The following OPCML variants were observed in gnomAD, a reference collection of about 807,000 sequenced individuals.
The protein encoded by OPCML is opioid-binding protein/cell adhesion molecule.
Under a neutral mutation model 37.8 loss-of-function variants are expected in OPCML, and 13 were observed. That is an observed-to-expected ratio of 0.34 (90% confidence interval 0.22 to 0.55). The LOEUF is 0.55. Ranked by LOEUF, OPCML falls within the 20% of genes least tolerant of loss-of-function variation. The pLI, the probability that OPCML is intolerant of heterozygous loss-of-function variation, is 0.91. For synonymous variants in OPCML, 176 were observed against 168.8 expected (o/e 1.04, Z -0.33); for missense variants, 341 against 435.6 (o/e 0.78, Z 1.93).
chr11:132,817,408 A>G (rs953647650), intron 2 of OPCML, among the ~76,000 whole-genome samples: 6 of 152,168 alleles, frequency 3.9e-5, no homozygotes, highest in African/African-American at 1.4e-4. Context: ...TTGACCCTGT[A>G]GTCTTAGGTA....
At chr11:132,964,581 G>T (rs960860121) in intron 1 of OPCML, among the ~76,000 whole-genome samples, 2 of 152,094 alleles carry the variant, frequency 1.3e-5, no homozygotes, top group African/African-American at 4.8e-5. Flanking sequence ...AAAGCCATTT[G>T]TTCCTTCTCA....
intron 2 of OPCML, among the ~76,000 whole-genome samples, chr11:132,895,269 A>T (rs561482763): frequency 6.6e-6 from 1 of 152,330 alleles, no homozygotes; most frequent in South Asian, 2.1e-4. Context: ...GATACCCTTA[A>T]CATTTGTGCA....
intron 2 of OPCML, among the ~76,000 whole-genome samples, chr11:132,847,472 A>G (rs1183111933): frequency 2.6e-5 from 4 of 152,184 alleles, no homozygotes; most frequent in Non-Finnish European, 5.9e-5. Flanking sequence ...CTGGAACCCT[A>G]TCTTCTTTAG....
Position 133,229,745 on chromosome 11 carries a change from C to G in OPCML, c.62-286735G>C, listed in dbSNP as rs940125530. 5.9e-5 allele frequency among the ~76,000 whole-genome samples: 9 copies of G among 152,194 alleles called. No individual in the cohort carries two copies. The South Asian group carries it at 6.2e-4, about 11-fold the overall frequency. On this transcript the variant is annotated intron_variant, in intron 1 of 7. Transcript: ENST00000524381. ...CTCTGGGGGGCTTGGAGTATATTCCCTGAGGGTAAGGGGGAACTGCTGGAC... is the reference window on the plus strand; with the variant it reads ...CTCTGGGGGGCTTGGAGTATATTCCGTGAGGGTAAGGGGGAACTGCTGGAC...
rs556830187 is a variant in OPCML, at chr11:133,273,892, G to C, written c.61+258372C>G. Reference sequence around the variant, plus strand: ...TGGAAGACCATGGGTGACATCTGCAGTGTGCATAAGTTTAATTATTACTAC... The same window carrying C: ...TGGAAGACCATGGGTGACATCTGCACTGTGCATAAGTTTAATTATTACTAC... On this transcript the variant is annotated intron_variant, in intron 1 of 7. Coordinates refer to ENST00000524381, the MANE Select transcript of OPCML (RefSeq NM_001012393.5). 3.9e-5 allele frequency among the ~76,000 whole-genome samples: 6 copies of C among 152,338 alleles called. No individual in the cohort carries two copies. In the East Asian group the frequency reaches 7.7e-4, roughly 20 times the overall value.
intron 2 of OPCML, among the ~76,000 whole-genome samples, chr11:132,711,519 A>T (rs777620594): frequency 6.6e-6 from 1 of 152,194 alleles, no homozygotes; most frequent in African/African-American, 2.4e-5. Flanking sequence ...TTTTATGTCC[A>T]CTTACCTTTG....
intron 1 of OPCML, among the ~76,000 whole-genome samples, chr11:133,509,679 A>G (rs1159053009): frequency 6.6e-6 from 1 of 152,186 alleles, no homozygotes; most frequent in Non-Finnish European, 1.5e-5. Flanking sequence ...TAAGTTCCAG[A>G]GAGGTTAACC....
At position 133,532,256 on chromosome 11, in the gene OPCML, T is replaced by C; in HGVS notation, c.61+8A>G. On this transcript the variant is annotated splice_region_variant and intron_variant, in intron 1 of 7. Coordinates refer to ENST00000524381, the MANE Select transcript of OPCML (RefSeq NM_001012393.5). ...AGGGAGAGAAAACACCCTTCCCCTG[T>C]ACGGTACCTGGGATGAAGAGCAGGG... 6.2e-7 allele frequency: 1 copy of C among 1,613,684 alleles called. No individual in the cohort carries two copies. The highest frequency in any genetic ancestry group is 8.5e-7 in the Non-Finnish European group (1 of 1,179,840).
chr11:133,387,931 C>G (rs1040125698), intron 1 of OPCML, among the ~76,000 whole-genome samples: 3 of 152,102 alleles, frequency 2.0e-5, no homozygotes, highest in African/African-American at 7.2e-5. Context: ...AGAACCTTTT[C>G]CAGGGAGAGG....
chr11:132,458,017 C>T (rs1008688416), intron 4 of OPCML, among the ~76,000 whole-genome samples: 1 of 152,024 alleles, frequency 6.6e-6, no homozygotes, highest in Admixed American at 6.5e-5. Context: ...GTCAGTGATG[C>T]AGGAAAAAAT....
intron 1 of OPCML, among the ~76,000 whole-genome samples, chr11:133,285,325 A>C (rs139689615): frequency 6.6e-6 from 1 of 152,318 alleles, no homozygotes; most frequent in African/African-American, 2.4e-5. Flanking sequence ...GGTAATGACC[A>C]ACCACTGAAG....
intron 2 of OPCML, among the ~76,000 whole-genome samples, chr11:132,921,081 CCTT>C (rs1205898698): frequency 6.6e-6 from 1 of 152,228 alleles, no homozygotes; most frequent in Admixed American, 6.5e-5. Context: ...TTTTCCATCT[CCTT>C]CTACCATGGC....
intron 1 of OPCML, among the ~76,000 whole-genome samples, chr11:132,954,870 A>G (rs2136705803): frequency 6.6e-6 from 1 of 152,254 alleles, no homozygotes; most frequent in Non-Finnish European, 1.5e-5. Flanking sequence ...AAATAGAAGG[A>G]AACTCAGGAT....
chr11:133,195,959 G>T (rs1938521904), intron 1 of OPCML, among the ~76,000 whole-genome samples: 2 of 152,156 alleles, frequency 1.3e-5, no homozygotes, highest in South Asian at 4.1e-4. Flanking sequence ...AATTCCAAAT[G>T]CTTCCTTGAG....
At position 132,908,648 on chromosome 11, in the gene OPCML, G is replaced by A. The variant is rs535817033; in HGVS notation, c.146+34278C>T. 1.4e-3 allele frequency among the ~76,000 whole-genome samples: 217 copies of A among 152,272 alleles called. 1 individual carries two copies. Among genetic ancestry groups the A allele is most frequent in the African/African-American group, 5.0e-3 (207 of 41,550 alleles). On this transcript the variant is annotated intron_variant, in intron 2 of 7. Coordinates refer to ENST00000524381, the MANE Select transcript of OPCML (RefSeq NM_001012393.5). ...TCACCACCCCCGGATTGACCACAGC[G>A]CCACCAGTTCTCACCAGACAGTTTC...
At chr11:132,947,655 G>C (rs1945773826) in intron 1 of OPCML, among the ~76,000 whole-genome samples, 1 of 152,210 alleles carries the variant, frequency 6.6e-6, no homozygotes, top group Non-Finnish European at 1.5e-5. Context: ...AACAGAAAAT[G>C]AGCTGAGGTT....
intron 2 of OPCML, among the ~76,000 whole-genome samples, chr11:132,733,097 A>G (rs1327682369): frequency 6.6e-6 from 1 of 152,182 alleles, no homozygotes; most frequent in Non-Finnish European, 1.5e-5. Context: ...CTTTATTATT[A>G]CAAACACACA....
intron 1 of OPCML, among the ~76,000 whole-genome samples, chr11:133,345,502 T>C (rs1269299594): frequency 1.3e-5 from 2 of 152,252 alleles, no homozygotes; most frequent in African/African-American, 4.8e-5. Flanking sequence ...TGCACTAGAA[T>C]CATCTAGCCT....
At chr11:132,638,547 G>A (rs1165571236) in intron 3 of OPCML, among the ~76,000 whole-genome samples, 3 of 152,276 alleles carry the variant, frequency 2.0e-5, no homozygotes, top group East Asian at 3.9e-4. Context: ...ATAACCAGCT[G>A]TTGTTTTGGA....
Sources: gnomAD v4.1 joint callset for allele counts (sites outside exome capture counted in the v4.1 genomes callset) on GRCh38, gnomAD v4.1.1 for gene constraint, MANE v1.5 for transcripts, NCBI Gene and HGNC (gene_info 2026-07-23, HGNC 2026-07-21) for gene names.